The following TRIM44 variants were observed in gnomAD, a reference collection of about 807,000 sequenced individuals.
TRIM44 encodes the protein tripartite motif containing 44, also known as tripartite motif-containing protein 44.
A neutral mutation model predicts 37.4 loss-of-function variants in TRIM44; 13 were observed. The observed-to-expected ratio is 0.35, with a 90% CI of 0.23 to 0.55. The LOEUF is 0.55. Ranked by LOEUF, TRIM44 falls within the 20% of genes least tolerant of loss-of-function variation. The probability of loss-of-function intolerance (pLI) is 0.89; values close to 1 mark genes in which losing one functional copy is unlikely to be tolerated. For missense variants in TRIM44, 426 were observed against 437.2 expected, an observed-to-expected ratio of 0.97 and a Z score of 0.23; for synonymous variants, 175 against 157.2, an observed-to-expected ratio of 1.11 and a Z score of -0.85.
chr11:35,727,981 C>T lies in TRIM44; in HGVS notation c.987+1818C>T, dbSNP rs142188722. Among the ~76,000 whole-genome samples, 283 of 152,280 alleles carry T rather than the reference C, an allele frequency of 1.9e-3. 2 individuals are homozygous for T. The highest frequency in any genetic ancestry group is 6.5e-3 in the African/African-American group (271 of 41,550). The stretch of plus-strand genomic sequence containing the variant: ...TTCTGTCCACAGTTCCTATCAAGTT[C>T]GACCCCTTCATTTATTCCCTATGTT... On this transcript the variant is annotated intron_variant, in intron 3 of 4. Transcript: ENST00000299413.
At chr11:35,755,942 G>A (rs1192007060) in intron 4 of TRIM44, among the ~76,000 whole-genome samples, 50 of 151,808 alleles carry the variant, frequency 3.3e-4, no homozygotes, top group Non-Finnish European at 1.2e-4. Flanking sequence ...GTAGCGTGAT[G>A]CCTCCAGCTT....
chr11:35,693,888 G>A (rs78688074), intron 2 of TRIM44, among the ~76,000 whole-genome samples: 2 of 152,172 alleles, frequency 1.3e-5, no homozygotes, highest in East Asian at 3.9e-4. Flanking sequence ...GGAAAGAATA[G>A]AGTGCGCTAG....
rs529840669 is a variant in TRIM44 at position 35,811,312 on chromosome 11, A to G, written c.*4927A>G. ...ATCCAGGCCTAGATTACATTTTATG[A>G]GCAACTTAGATTATAACCTAAAGAA... On this transcript the variant is annotated 3_prime_UTR_variant, in exon 5 of 5. Transcript: ENST00000299413. 44 of 152,322 alleles carry G rather than the reference A, an allele frequency of 2.9e-4. No individual in the cohort carries two copies. The highest frequency in any genetic ancestry group is 1.1e-3 in the African/African-American group (44 of 41,586). 9.4% of individuals were successfully genotyped at this position (152,322 alleles called of 1,614,324 possible). A position where few individuals can be genotyped will look rare whatever the true frequency, so the allele number is the denominator to read the frequency against.
chr11:35,748,914 G>A (rs990014835), intron 4 of TRIM44, among the ~76,000 whole-genome samples: 1 of 152,146 alleles, frequency 6.6e-6, no homozygotes, highest in Non-Finnish European at 1.5e-5. Context: ...CAATGCAGAG[G>A]CTGTCCAAAA....
At chr11:35,674,911 ATTC>A (rs766513425) in intron 1 of TRIM44, among the ~76,000 whole-genome samples, 21 of 152,236 alleles carry the variant, frequency 1.4e-4, no homozygotes, top group Non-Finnish European at 2.8e-4. Flanking sequence ...CCAGGAATAG[ATTC>A]TTAGAGGAAG....
chr11:35,729,686 G>A (rs557087263), intron 3 of TRIM44, among the ~76,000 whole-genome samples: 2 of 152,184 alleles, frequency 1.3e-5, no homozygotes, highest in Non-Finnish European at 2.9e-5. Flanking sequence ...GAATAGCACT[G>A]TAGAGGCTTT....
Position 35,814,051 on chromosome 11 carries a change from A to G in TRIM44, c.*7666A>G, listed in dbSNP as rs143842737. ...CTGTTACAACAAATACTGCTACCAT[A>G]AAAGTCACTTAAGCATCCCTGTTAG... On this transcript the variant is annotated 3_prime_UTR_variant, in exon 5 of 5. Transcript: ENST00000299413. 231 of 152,322 alleles carry G rather than the reference A, an allele frequency of 1.5e-3. 1 individual carries two copies. Among genetic ancestry groups the G allele is most frequent in the African/African-American group, 5.4e-3 (225 of 41,570 alleles). 9.4% of individuals were successfully genotyped at this position (152,322 alleles called of 1,614,324 possible). A position where few individuals can be genotyped will look rare whatever the true frequency, so the allele number is the denominator to read the frequency against.
intron 2 of TRIM44, among the ~76,000 whole-genome samples, chr11:35,711,472 T>G (rs77031087): frequency 1.3e-5 from 2 of 151,852 alleles, no homozygotes; most frequent in Non-Finnish European, 2.9e-5. Context: ...TTTTTTGTTT[T>G]TTTTTTTTTC....
At chr11:35,801,484 T>A (rs186633091) in intron 4 of TRIM44, among the ~76,000 whole-genome samples, 334 of 152,366 alleles carry the variant, frequency 2.2e-3, no homozygotes, top group African/African-American at 7.6e-3. Context: ...GAATGCCTGC[T>A]ACCTGATTTA....
chr11:35,813,045 C>A lies in TRIM44; in HGVS notation c.*6660C>A, dbSNP rs546037990. On this transcript the variant is annotated 3_prime_UTR_variant, in exon 5 of 5. Coordinates refer to ENST00000299413, the MANE Select transcript of TRIM44 (RefSeq NM_017583.6). ...TGTTGAAGGCTCTCCAACAGCTTGA[C>A]GTCAGGCCAGCTTCATATTCTTGGA... 6.6e-6 allele frequency: 1 copy of A among 152,184 alleles called. No homozygotes were observed. The highest frequency in any genetic ancestry group is 1.5e-5 in the Non-Finnish European group (1 of 68,042). 9.4% of individuals were successfully genotyped at this position (152,184 alleles called of 1,614,324 possible).
intron 4 of TRIM44, among the ~76,000 whole-genome samples, chr11:35,766,545 A>T (rs939753735): frequency 6.6e-6 from 1 of 152,220 alleles, no homozygotes; most frequent in Non-Finnish European, 1.5e-5. Context: ...ACATGCCCAC[A>T]TTCAGTGTCC....
chr11:35,751,423 A>T (rs548287095), intron 4 of TRIM44, among the ~76,000 whole-genome samples: 1 of 152,220 alleles, frequency 6.6e-6, no homozygotes, highest in South Asian at 2.1e-4. Context: ...CCAGGCCTTG[A>T]TGCCAGATGG....
chr11:35,723,132 C>T (rs1340858220), intron 2 of TRIM44, among the ~76,000 whole-genome samples: 2 of 147,520 alleles, frequency 1.4e-5, no homozygotes, highest in Admixed American at 1.4e-4. Context: ...TTTCTTGTTT[C>T]GACAGATTCT....
At chr11:35,738,177 G>A (rs562696222) in intron 4 of TRIM44, among the ~76,000 whole-genome samples, 3 of 152,286 alleles carry the variant, frequency 2.0e-5, no homozygotes, top group East Asian at 1.9e-4. Flanking sequence ...TAGGAGAGCC[G>A]AATTAGGGTG....
rs555237523 is a variant in TRIM44, at chr11:35,673,841, C to T, written c.669+10061C>T. On this transcript the variant is annotated intron_variant, in intron 1 of 4. Transcript: ENST00000299413. ...CCATTGTCTTGACCACCACTCTTGA[C>T]AGGGAGGTTGCCCTGCCTGCCTGTT... Among the ~76,000 whole-genome samples, 32 of 152,160 alleles carry T rather than the reference C, an allele frequency of 2.1e-4. 1 individual carries two copies. The South Asian group carries it at 6.6e-3, about 32-fold the overall frequency.
chr11:35,695,784 TGATTA>T (rs1329025690), intron 2 of TRIM44, among the ~76,000 whole-genome samples: 1 of 152,156 alleles, frequency 6.6e-6, no homozygotes, highest in Non-Finnish European at 1.5e-5. Context: ...ACCACAGTTA[TGATTA>T]ATAGCATATA....
chr11:35,754,912 C>T (rs1852612563), intron 4 of TRIM44, among the ~76,000 whole-genome samples: 1 of 152,184 alleles, frequency 6.6e-6, no homozygotes, highest in African/African-American at 2.4e-5. Flanking sequence ...CGTTGTTGGA[C>T]ATTTGGATTG....
intron 2 of TRIM44, among the ~76,000 whole-genome samples, chr11:35,706,521 C>T (rs1851885539): frequency 6.6e-6 from 1 of 152,306 alleles, no homozygotes; most frequent in Admixed American, 6.5e-5. Context: ...CAATAAAATA[C>T]TGGCAAACCG....
chr11:35,735,456 AT>A lies in TRIM44; in HGVS notation c.1007+13del. The A allele has an allele frequency of 6.2e-7, 1 of 1,613,584 alleles. No homozygotes were observed. Among genetic ancestry groups the A allele is most frequent in the Non-Finnish European group, 8.5e-7 (1 of 1,179,596 alleles). On this transcript the variant is annotated intron_variant, in intron 4 of 4. Coordinates refer to ENST00000299413, the MANE Select transcript of TRIM44 (RefSeq NM_017583.6). ...TGAGGAAGGACCCAGGTAAGATCACATTGTTGCTTGTCTTTTCTCATAATTG... is the reference window on the plus strand; with the variant it reads ...TGAGGAAGGACCCAGGTAAGATCACATGTTGCTTGTCTTTTCTCATAATTG...
Sources: gnomAD v4.1 joint callset for allele counts (sites outside exome capture counted in the v4.1 genomes callset) on GRCh38, gnomAD v4.1.1 for gene constraint, MANE v1.5 for transcripts, NCBI Gene and HGNC (gene_info 2026-07-23, HGNC 2026-07-21) for gene names.